Variants in TEX14 observed in about 807,000 individuals in gnomAD.
The protein encoded by TEX14 is inactive serine/threonine-protein kinase TEX14.
Under a neutral mutation model 178.6 loss-of-function variants are expected in TEX14, and 168 were observed. The ratio of observed to expected loss-of-function variants is 0.94; its 90% CI spans 0.83 to 1.07. The LOEUF is 1.07. Among genes scored for constraint, TEX14 ranks in the 50% least tolerant of loss-of-function variants. TEX14 has a pLI of 0.00. For synonymous variants in TEX14, 626 were observed against 634.1 expected (o/e 0.99, Z 0.19); for missense variants, 1,730 against 1,753.6 (o/e 0.99, Z 0.24).
chr17:58,604,943 G>A (rs1415654830), intron 11 of TEX14, 35 bp downstream of exon 11: 1 of 1,611,054 alleles, frequency 6.2e-7, no homozygotes, highest in South Asian at 1.1e-5. Context: ...CCTAAGAATA[G>A]GGACTTTGGT....
chr17:58,594,329 T>A (rs1180033387), intron 14 of TEX14, among the ~76,000 whole-genome samples: 2 of 152,014 alleles, frequency 1.3e-5, no homozygotes, highest in Admixed American at 6.6e-5. Context: ...CTAAGTGTTA[T>A]TCAGACTAAC....
At chr17:58,651,077 G>A (rs959077211) in intron 2 of TEX14, among the ~76,000 whole-genome samples, 2 of 152,178 alleles carry the variant, frequency 1.3e-5, no homozygotes, top group African/African-American at 4.8e-5. Context: ...AGACCAGCCT[G>A]AGCAACATGG....
intron 2 of TEX14, among the ~76,000 whole-genome samples, chr17:58,641,828 C>T (rs1355095477): frequency 1.3e-5 from 2 of 152,060 alleles, no homozygotes; most frequent in South Asian, 4.1e-4. Context: ...TGTTTTAATC[C>T]ATTATCTCAT....
intron 16 of TEX14, 25 bp downstream of exon 16, chr17:58,587,871 G>T: frequency 2.8e-6 from 2 of 723,660 alleles, no homozygotes; most frequent in Non-Finnish European, 4.7e-6. Flanking sequence ...TCCACCACCA[G>T]TTTCCAGCCC....
chr17:58,662,417 AC>A (rs2047132243), intron 1 of TEX14, among the ~76,000 whole-genome samples: 1 of 36,994 alleles, frequency 2.7e-5, no homozygotes, highest in African/African-American at 7.8e-5. Context: ...CACATATCTC[AC>A]ACACACACAC....
chr17:58,626,623 T>TA, intron 3 of TEX14, among the ~76,000 whole-genome samples: 1 of 131,246 alleles, frequency 7.6e-6, no homozygotes, highest in South Asian at 2.5e-4. Flanking sequence ...AGCTCACACC[T>TA]AAAATCCCAG....
intron 24 of TEX14, among the ~76,000 whole-genome samples, chr17:58,571,483 C>T (rs2044527536): frequency 6.6e-6 from 1 of 151,908 alleles, no homozygotes; most frequent in Non-Finnish European, 1.5e-5. Context: ...AGTGATCTGC[C>T]CGCCTCGGTC....
intron 2 of TEX14, among the ~76,000 whole-genome samples, chr17:58,638,420 A>T (rs1391727042): frequency 6.6e-6 from 1 of 152,208 alleles, no homozygotes; most frequent in Non-Finnish European, 1.5e-5. Flanking sequence ...GAACAAACCC[A>T]AATGCCCATC....
At chr17:58,559,669 A>G (rs2044233340) in intron 29 of TEX14, 107 bp from the exon 30 acceptor site, 2 of 679,884 alleles carry the variant, frequency 2.9e-6, no homozygotes, top group Admixed American at 4.8e-5. Context: ...CAACAAAACC[A>G]TATAATAGCT....
intron 13 of TEX14, 95 bp downstream of exon 13, chr17:58,601,711 C>A: frequency 1.7e-6 from 2 of 1,160,326 alleles, no homozygotes; most frequent in Non-Finnish European, 2.5e-6. Flanking sequence ...AAACAAGTTA[C>A]ATCTACAGTT....
intron 3 of TEX14, among the ~76,000 whole-genome samples, chr17:58,623,469 C>T (rs2046051973): frequency 6.6e-6 from 1 of 152,054 alleles, no homozygotes; most frequent in South Asian, 2.1e-4. Context: ...CTCCCCACAG[C>T]CCCCCAAGAA....
chr17:58,669,639 C>T (rs1423658888), intron 1 of TEX14, among the ~76,000 whole-genome samples: 1 of 146,012 alleles, frequency 6.8e-6, no homozygotes, highest in Non-Finnish European at 1.5e-5. Context: ...GAGGCTGAGG[C>T]AGGTGAATCA....
chr17:58,621,688 A>T lies in TEX14; in HGVS notation c.516T>A (p.Leu172=). 6.2e-7 allele frequency: 1 copy of T among 1,614,168 alleles called. No homozygotes were observed. The change falls in exon 5 of 32, where the codon CTT becomes CTA. Residue 172 remains leucine, a synonymous_variant. Coordinates refer to ENST00000349033, the MANE Select transcript of TEX14 (RefSeq NM_031272.5). ...CCCCACACCAGGACGGGCTGTAGAC[A>T]AGCCGCTGCGGGGAGTCTATCTTCT... is the stretch of plus-strand genomic sequence containing the variant. ...LLKKIDSPQR[L]VYSPSWCGGL...
chr17:58,606,925 G>A, intron 10 of TEX14, among the ~76,000 whole-genome samples: 1 of 150,880 alleles, frequency 6.6e-6, no homozygotes. Flanking sequence ...CTACTCAGGA[G>A]GCTGAGGCAG....
intron 20 of TEX14, among the ~76,000 whole-genome samples, chr17:58,578,870 T>A (rs1279212375): frequency 6.6e-6 from 1 of 152,206 alleles, no homozygotes; most frequent in Non-Finnish European, 1.5e-5. Flanking sequence ...GAGTATGCAG[T>A]GGAAGAAGGG....
chr17:58,558,584 G>A lies in TEX14; in HGVS notation c.4268-734C>T, dbSNP rs188555151. Among the ~76,000 whole-genome samples, 21 of 152,216 alleles carry A rather than the reference G, an allele frequency of 1.4e-4. No individual in the cohort carries two copies. In the East Asian group the frequency reaches 3.9e-3, roughly 28 times the overall value. On this transcript the variant is annotated intron_variant, in intron 30 of 31. Transcript: ENST00000349033. ...GGGCACAAAGCAGGGCAGAGATGGG[G>A]AGAATGAGAAGGAAATCAGGAAGAG...
chr17:58,635,383 A>C (rs1458941712), intron 2 of TEX14, among the ~76,000 whole-genome samples: 1 of 152,002 alleles, frequency 6.6e-6, no homozygotes, highest in Non-Finnish European at 1.5e-5. Context: ...CCCAGGGCTC[A>C]GGAGGCAAAA....
chr17:58,638,538 T>C (rs1042384897), intron 2 of TEX14, among the ~76,000 whole-genome samples: 1 of 152,080 alleles, frequency 6.6e-6, no homozygotes, highest in Non-Finnish European at 1.5e-5. Flanking sequence ...GATTGGAGAC[T>C]ATAATTCTTT....
intron 1 of TEX14, chr17:58,661,178 G>A (rs748819693): frequency 2.5e-6 from 2 of 805,404 alleles, no homozygotes; most frequent in Non-Finnish European, 4.5e-6. Flanking sequence ...GGAGGTAATA[G>A]CACCGTGATT....
Sources: allele counts gnomAD v4.1 joint callset (sites outside exome capture counted in the v4.1 genomes callset), GRCh38; gene constraint gnomAD v4.1.1; transcripts MANE v1.5; gene names NCBI Gene and HGNC (gene_info 2026-07-23, HGNC 2026-07-21).